The following LOC128706666 variants were observed in gnomAD, a reference collection of about 807,000 sequenced individuals.
chr20:10,424,005 G>A, the LOC128706666 span, among the ~76,000 whole-genome samples: 1 of 152,180 alleles, frequency 6.6e-6, no homozygotes, highest in South Asian at 2.1e-4. Flanking sequence ...GAGAGAGCAA[G>A]TAACTATTTT....
chr20:10,423,021 C>T, the LOC128706666 span, among the ~76,000 whole-genome samples: 2 of 151,990 alleles, frequency 1.3e-5, no homozygotes, highest in Admixed American at 6.6e-5. Flanking sequence ...CTTCAAGTCA[C>T]ATTACTTTTA....
the LOC128706666 span, among the ~76,000 whole-genome samples, chr20:10,430,433 T>G: frequency 1.3e-5 from 2 of 152,312 alleles, no homozygotes; most frequent in South Asian, 4.1e-4. Flanking sequence ...TTGTCTGGGC[T>G]CAGTAATTGT....
chr20:10,427,267 T>G, the LOC128706666 span, among the ~76,000 whole-genome samples: 2 of 152,240 alleles, frequency 1.3e-5, no homozygotes, highest in African/African-American at 4.8e-5. Flanking sequence ...GTTCTCATTT[T>G]GCCTATTGGG....
the LOC128706666 span, chr20:10,413,954 T>C: frequency 9.9e-6 from 4 of 404,326 alleles, no homozygotes; most frequent in Non-Finnish European, 1.7e-5. Context: ...AAAAAAAACA[T>C]TTTAGAGAAA....
At chr20:10,421,094 A>C in the LOC128706666 span, among the ~76,000 whole-genome samples, 1 of 151,718 alleles carries the variant, frequency 6.6e-6, no homozygotes, top group African/African-American at 2.4e-5. Context: ...TCTCTGAGCC[A>C]CAATAGAGTA....
the LOC128706666 span, among the ~76,000 whole-genome samples, chr20:10,418,476 T>G: frequency 6.6e-6 from 1 of 152,176 alleles, no homozygotes. Flanking sequence ...CTTCAACTAT[T>G]CGGAATTTGT....
At chr20:10,427,028 T>TCACACA in the LOC128706666 span, among the ~76,000 whole-genome samples, 1 of 61,436 alleles carries the variant, frequency 1.6e-5, no homozygotes, top group Non-Finnish European at 3.2e-5. Context: ...AAGAAAACAC[T>TCACACA]GACACACACA....
At chr20:10,424,264 GA>G in the LOC128706666 span, among the ~76,000 whole-genome samples, 6 of 149,244 alleles carry the variant, frequency 4.0e-5, no homozygotes, top group South Asian at 4.2e-4. Context: ...AAATAAAAAG[GA>G]AAAAAAAAGG....
At chr20:10,422,290 T>C in the LOC128706666 span, among the ~76,000 whole-genome samples, 1 of 152,178 alleles carries the variant, frequency 6.6e-6, no homozygotes, top group Non-Finnish European at 1.5e-5. Context: ...TTTATGGCCT[T>C]TTCCTTTTCT....
the LOC128706666 span, among the ~76,000 whole-genome samples, chr20:10,419,842 ATTGT>A: frequency 6.6e-6 from 1 of 152,172 alleles, no homozygotes; most frequent in African/African-American, 2.4e-5. Flanking sequence ...AAATTTATGA[ATTGT>A]TTATTTCTGG....
At chr20:10,424,066 C>T in the LOC128706666 span, among the ~76,000 whole-genome samples, 1 of 152,262 alleles carries the variant, frequency 6.6e-6, no homozygotes, top group East Asian at 1.9e-4. Context: ...TGATTAGGAT[C>T]AGTATGGAAG....
chr20:10,432,789 CAAAAAAA>C, the LOC128706666 span, among the ~76,000 whole-genome samples: 396 of 74,590 alleles, frequency 5.3e-3, 6 homozygotes, highest in African/African-American at 0.013. Context: ...GACTCTTTGT[CAAAAAAA>C]AAAAAAAAAA....
At chr20:10,424,733 T>A in the LOC128706666 span, among the ~76,000 whole-genome samples, 1 of 152,202 alleles carries the variant, frequency 6.6e-6, no homozygotes, top group East Asian at 1.9e-4. Context: ...TTTTTTCTTC[T>A]TAGTTCCTCT....
chr20:10,431,248 C>G, the LOC128706666 span, among the ~76,000 whole-genome samples: 231 of 152,196 alleles, frequency 1.5e-3, 2 homozygotes, highest in Non-Finnish European at 1.9e-4. Context: ...TGGGTTCCAA[C>G]TTATAAGGTG....
chr20:10,425,647 T>C, the LOC128706666 span, among the ~76,000 whole-genome samples: 16 of 152,362 alleles, frequency 1.1e-4, no homozygotes, highest in East Asian at 2.7e-3. Flanking sequence ...GACTGTCTTG[T>C]AGAGATTCTG....
At chr20:10,429,460 A>C in the LOC128706666 span, among the ~76,000 whole-genome samples, 25 of 152,312 alleles carry the variant, frequency 1.6e-4, no homozygotes, top group Middle Eastern at 0.01. Context: ...TCTCCAGCTT[A>C]GACCCACATA....
the LOC128706666 span, among the ~76,000 whole-genome samples, chr20:10,428,879 T>C: frequency 6.6e-6 from 1 of 152,086 alleles, no homozygotes; most frequent in Non-Finnish European, 1.5e-5. Flanking sequence ...CCTTGCCTGC[T>C]GTCAGAAGAA....
At chr20:10,429,791 T>G in the LOC128706666 span, among the ~76,000 whole-genome samples, 1 of 152,166 alleles carries the variant, frequency 6.6e-6, no homozygotes, top group Non-Finnish European at 1.5e-5. Flanking sequence ...TCAATTCCAG[T>G]AGTTCTCAAA....
chr20:10,419,507 T>C, the LOC128706666 span, among the ~76,000 whole-genome samples: 2 of 152,202 alleles, frequency 1.3e-5, no homozygotes, highest in Non-Finnish European at 2.9e-5. Context: ...ATGAGGGATA[T>C]GTTCCAAGAC....
Sources: allele counts gnomAD v4.1 joint callset (sites outside exome capture counted in the v4.1 genomes callset), GRCh38; gene constraint gnomAD v4.1.1; transcripts MANE v1.5.